The following CEP128 variants were observed in gnomAD, a reference collection of about 807,000 sequenced individuals.
The protein encoded by CEP128 is centrosomal protein 128.
CEP128 carries 132 observed loss-of-function variants against 156.7 expected under a neutral mutation model. That is an observed-to-expected ratio of 0.84 (90% CI 0.73 to 0.97). The LOEUF (loss-of-function observed/expected upper bound fraction) is 0.97. Ranked by LOEUF, CEP128 falls within the 50% of genes least tolerant of loss-of-function variation. The pLI, the probability that CEP128 is intolerant of heterozygous loss-of-function variation, is 0.00. For synonymous variants in CEP128, 469 were observed against 448.9 expected (o/e 1.04, Z -0.57); for missense variants, 1,252 against 1,281.9 (o/e 0.98, Z 0.36).
chr14:80,602,516 A>G (rs1892620578), intron 19 of CEP128, among the ~76,000 whole-genome samples: 1 of 151,898 alleles, frequency 6.6e-6, no homozygotes, highest in Non-Finnish European at 1.5e-5. Context: ...TTATGCTTGT[A>G]ATCCCAGCAC....
At chr14:80,698,562 C>A (rs1896964272) in intron 19 of CEP128, among the ~76,000 whole-genome samples, 1 of 152,122 alleles carries the variant, frequency 6.6e-6, no homozygotes, top group African/African-American at 2.4e-5. Context: ...AACTACTGAA[C>A]TCAAAAGACT....
At chr14:80,484,401 T>C (rs1887115529) in intron 14 of CEP128, among the ~76,000 whole-genome samples, 1 of 152,222 alleles carries the variant, frequency 6.6e-6, no homozygotes, top group South Asian at 2.1e-4. Flanking sequence ...AAGACCTACT[T>C]GGGTTATCAA....
intron 11 of CEP128, 52 bp downstream of exon 11, chr14:80,838,152 C>T: frequency 1.6e-6 from 2 of 1,265,178 alleles, no homozygotes; most frequent in Non-Finnish European, 1.1e-6. Flanking sequence ...AATAGAGCTA[C>T]TCAATCCTGA....
At chr14:80,564,792 C>T (rs1455828510) in intron 20 of CEP128, among the ~76,000 whole-genome samples, 2 of 152,330 alleles carry the variant, frequency 1.3e-5, no homozygotes, top group East Asian at 3.9e-4. Flanking sequence ...GGCGCAGTGG[C>T]TCACGCCTGT....
chr14:80,537,845 C>A (rs371758907), intron 21 of CEP128, among the ~76,000 whole-genome samples: 1 of 152,006 alleles, frequency 6.6e-6, no homozygotes, highest in Admixed American at 6.6e-5. Flanking sequence ...TGAACAGAGG[C>A]GGAATATATG....
intron 6 of CEP128, among the ~76,000 whole-genome samples, chr14:80,904,509 C>T (rs529368572): frequency 1.3e-4 from 19 of 151,980 alleles, no homozygotes; most frequent in Admixed American, 1.2e-3. Flanking sequence ...AAATGTCTCA[C>T]CATAAAAAAT....
chr14:80,955,673 C>G (rs2139668983), intron 2 of CEP128: 1 of 1,613,804 alleles, frequency 6.2e-7, no homozygotes, highest in African/African-American at 1.3e-5. Context: ...CCCCGAGTCC[C>G]GTGGAAAATG....
intron 19 of CEP128, among the ~76,000 whole-genome samples, chr14:80,672,656 G>A (rs1441138654): frequency 6.6e-6 from 1 of 152,118 alleles, no homozygotes; most frequent in East Asian, 1.9e-4. Flanking sequence ...ATTAAATAAA[G>A]ACACATATAC....
intron 19 of CEP128, among the ~76,000 whole-genome samples, chr14:80,656,291 T>TTATATATATATATATATATA (rs1159139132): frequency 3.9e-5 from 1 of 25,702 alleles, no homozygotes; most frequent in Non-Finnish European, 6.6e-5. Context: ...ATATATATAT[T>TTATATATATATATATATATA]TATATATATA....
chr14:80,850,887 G>T (rs1321379473), intron 9 of CEP128, among the ~76,000 whole-genome samples: 2 of 152,242 alleles, frequency 1.3e-5, no homozygotes, highest in South Asian at 4.1e-4. Flanking sequence ...ATACGAAAAT[G>T]TTATTTTTAT....
At chr14:80,702,288 G>T (rs547056811) in intron 19 of CEP128, among the ~76,000 whole-genome samples, 1 of 152,088 alleles carries the variant, frequency 6.6e-6, no homozygotes, top group Non-Finnish European at 1.5e-5. Context: ...TTAATCAAAG[G>T]TTCAAGGTTT....
intron 19 of CEP128, 39 bp downstream of exon 19, chr14:80,743,036 A>G (rs745773049): frequency 1.3e-6 from 2 of 1,585,846 alleles, no homozygotes; most frequent in Middle Eastern, 1.9e-4. Flanking sequence ...GATTCCATAA[A>G]TATAAACAAA....
intron 17 of CEP128, among the ~76,000 whole-genome samples, chr14:80,760,181 T>C (rs1899888689): frequency 6.6e-6 from 1 of 151,890 alleles, no homozygotes; most frequent in South Asian, 2.1e-4. Flanking sequence ...TCATAGGCCC[T>C]ACAATAGTTC....
intron 4 of CEP128, among the ~76,000 whole-genome samples, chr14:80,910,426 T>C (rs937482694): frequency 3.9e-5 from 6 of 152,138 alleles, no homozygotes; most frequent in African/African-American, 1.4e-4. Context: ...CTTGGTACTG[T>C]ATAGTGAGTG....
At chr14:80,669,441 C>T (rs1895752834) in intron 19 of CEP128, among the ~76,000 whole-genome samples, 1 of 151,802 alleles carries the variant, frequency 6.6e-6, no homozygotes, top group Non-Finnish European at 1.5e-5. Context: ...GCCAGATTTA[C>T]ATGAAAGTCA....
chr14:80,613,616 A>G (rs1047041639), intron 19 of CEP128, among the ~76,000 whole-genome samples: 7 of 152,006 alleles, frequency 4.6e-5, no homozygotes, highest in African/African-American at 1.7e-4. Context: ...GCCGGAGAAC[A>G]TTTTTAAAAT....
intron 18 of CEP128, among the ~76,000 whole-genome samples, chr14:80,744,722 C>T (rs189759385): frequency 1.3e-5 from 2 of 152,146 alleles, no homozygotes; most frequent in African/African-American, 2.4e-5. Flanking sequence ...TGATAGCATA[C>T]TGGATGGGCA....
chr14:80,734,035 T>C (rs1898406166), intron 19 of CEP128, among the ~76,000 whole-genome samples: 1 of 152,166 alleles, frequency 6.6e-6, no homozygotes, highest in Non-Finnish European at 1.5e-5. Context: ...ATAAATGCTG[T>C]TCCCTCTGCT....
chr14:80,741,125 A>T (rs556785503), intron 19 of CEP128, among the ~76,000 whole-genome samples: 1 of 134,744 alleles, frequency 7.4e-6, no homozygotes, highest in Non-Finnish European at 1.7e-5. Context: ...TCACCTGTTT[A>T]AAAAAGAGTC....
Sources: allele counts gnomAD v4.1 joint callset (sites outside exome capture counted in the v4.1 genomes callset), GRCh38; gene constraint gnomAD v4.1.1; transcripts MANE v1.5; gene names NCBI Gene and HGNC (gene_info 2026-07-23, HGNC 2026-07-21).